PCSK5: variants seen among roughly 807,000 people sequenced by gnomAD.
PCSK5 encodes the protein prohormone convertase 5.
In PCSK5, 129 loss-of-function variants were observed where a neutral mutation model predicts 233.2. That is an observed-to-expected ratio of 0.55 (90% CI 0.48 to 0.64). The LOEUF is 0.64. Ranked by LOEUF, PCSK5 falls within the 30% of genes least tolerant of loss-of-function variation. The probability of loss-of-function intolerance (pLI) is 0.00; values close to 1 mark genes in which losing one functional copy is unlikely to be tolerated. For missense variants in PCSK5, 2,076 were observed against 2,430.1 expected (o/e 0.85, Z 3.06); for synonymous variants, 825 against 879.2 (o/e 0.94, Z 1.09).
intron 16 of PCSK5, among the ~76,000 whole-genome samples, chr9:76,184,007 A>G (rs1441201003): frequency 2.6e-5 from 4 of 152,248 alleles, no homozygotes; most frequent in Admixed American, 1.3e-4. Flanking sequence ...AAGTATTCAC[A>G]GTATACTTGT....
intron 24 of PCSK5, among the ~76,000 whole-genome samples, chr9:76,289,499 A>G (rs1212589234): frequency 3.1e-5 from 4 of 129,028 alleles, no homozygotes; most frequent in African/African-American, 9.4e-5. Context: ...ACACACACAC[A>G]CACACACACA....
chr9:76,213,724 G>A (rs911811645), intron 20 of PCSK5, among the ~76,000 whole-genome samples: 9 of 151,954 alleles, frequency 5.9e-5, no homozygotes, highest in South Asian at 2.1e-4. Context: ...CTGATGTTCC[G>A]TTATCTGTCT....
chr9:75,952,267 A>G lies in PCSK5; in HGVS notation c.297+19784A>G, dbSNP rs529879997. 3.9e-5 allele frequency among the ~76,000 whole-genome samples: 6 copies of G among 152,308 alleles called. No homozygotes were observed. The South Asian group carries it at 1.2e-3, about 32-fold the overall frequency. On this transcript the variant is annotated intron_variant, in intron 2 of 37. Coordinates refer to ENST00000674117, the MANE Select transcript of PCSK5 (RefSeq NM_001372043.1). ...TAAAATTTACATACAGTGAAATTAT[A>G]AGTCTTAAGCATAAGGTCTTTGAGT...
intron 12 of PCSK5, among the ~76,000 whole-genome samples, chr9:76,162,675 G>C (rs951613800): frequency 6.6e-6 from 1 of 152,142 alleles, no homozygotes; most frequent in East Asian, 1.9e-4. Context: ...ACCATGTAAA[G>C]CAAAGAACAA....
At chr9:76,309,488 G>A (rs2131435192) in intron 29 of PCSK5, among the ~76,000 whole-genome samples, 1 of 152,344 alleles carries the variant, frequency 6.6e-6, no homozygotes, top group East Asian at 1.9e-4. Context: ...GAGGCCAGGA[G>A]TTGGAGACCT....
intron 2 of PCSK5, among the ~76,000 whole-genome samples, chr9:75,937,036 T>C (rs1248009210): frequency 6.6e-6 from 1 of 152,160 alleles, no homozygotes. Flanking sequence ...TGATCAGTAA[T>C]AGTTTGAAAG....
intron 24 of PCSK5, among the ~76,000 whole-genome samples, chr9:76,256,885 C>T (rs1827000714): frequency 6.6e-6 from 1 of 152,160 alleles, no homozygotes; most frequent in Non-Finnish European, 1.5e-5. Flanking sequence ...TTAATTCTAT[C>T]CTGTTTTATA....
chr9:76,309,745 T>C (rs115804961), intron 29 of PCSK5, among the ~76,000 whole-genome samples: 3,036 of 151,490 alleles, frequency 0.02, 105 homozygotes, highest in African/African-American at 0.067. Flanking sequence ...ATGTACAATG[T>C]TAATAGTGGA....
At chr9:75,976,433 C>T (rs971583611) in intron 2 of PCSK5, among the ~76,000 whole-genome samples, 3 of 151,546 alleles carry the variant, frequency 2.0e-5, no homozygotes, top group Non-Finnish European at 4.4e-5. Flanking sequence ...TTTTTTTCCC[C>T]AGAGGACAAA....
chr9:76,056,751 CAG>C (rs1564000066), intron 5 of PCSK5, among the ~76,000 whole-genome samples: 1 of 152,064 alleles, frequency 6.6e-6, no homozygotes, highest in East Asian at 1.9e-4. Flanking sequence ...AGGGCTTTGA[CAG>C]TAATGACAGT....
chr9:76,323,738 T>G (rs1829277882), intron 32 of PCSK5, among the ~76,000 whole-genome samples: 1 of 152,190 alleles, frequency 6.6e-6, no homozygotes, highest in Non-Finnish European at 1.5e-5. Context: ...CAGGTAACTT[T>G]TATTAGTGAC....
intron 10 of PCSK5, among the ~76,000 whole-genome samples, chr9:76,143,248 A>G (rs1240348951): frequency 6.6e-6 from 1 of 152,124 alleles, no homozygotes; most frequent in Non-Finnish European, 1.5e-5. Flanking sequence ...AGGTCAGGGG[A>G]AGGGGCAAAA....
At chr9:76,005,266 A>G (rs1827428103) in intron 3 of PCSK5, among the ~76,000 whole-genome samples, 1 of 152,178 alleles carries the variant, frequency 6.6e-6, no homozygotes, top group Non-Finnish European at 1.5e-5. Context: ...AGTTGCTTGA[A>G]CAAATTTTTT....
chr9:76,189,556 T>A lies in PCSK5; in HGVS notation c.2511-75T>A, dbSNP rs1824265631. On this transcript the variant is annotated intron_variant, in intron 19 of 37. Coordinates refer to ENST00000674117, the MANE Select transcript of PCSK5 (RefSeq NM_001372043.1). ...AGAGGGATAATTAAATGTAAGACAT[T>A]ATGAGGTTGCTAGTAAACACACCTT... is the stretch of plus-strand genomic sequence containing the variant. The A allele has an allele frequency of 3.4e-6, 3 of 873,398 alleles. No individual in the cohort carries two copies. In the South Asian group the frequency reaches 4.4e-5, roughly 13 times the overall value. The allele number at this position is 873,398 out of a possible 1,614,324, so 54.1% of individuals were successfully genotyped here.
intron 13 of PCSK5, among the ~76,000 whole-genome samples, chr9:76,174,329 T>G (rs1025058524): frequency 6.6e-6 from 1 of 151,056 alleles, no homozygotes; most frequent in Non-Finnish European, 1.5e-5. Context: ...TTTTTTGAGA[T>G]GGAGTGTTGC....
intron 8 of PCSK5, among the ~76,000 whole-genome samples, chr9:76,097,804 G>T (rs969706038): frequency 3.3e-5 from 5 of 152,230 alleles, no homozygotes; most frequent in African/African-American, 1.2e-4. Flanking sequence ...ACTTTTCGGG[G>T]ATGCCCAACA....
intron 21 of PCSK5, 136 bp from the exon 22 acceptor site, chr9:76,233,324 A>C: frequency 1.3e-6 from 1 of 798,176 alleles, no homozygotes; most frequent in Non-Finnish European, 2.0e-6. Context: ...TAAGATGATC[A>C]CTCCCAGGCA....
At chr9:76,272,253 G>T (rs1747440373) in intron 24 of PCSK5, among the ~76,000 whole-genome samples, 1 of 152,044 alleles carries the variant, frequency 6.6e-6, no homozygotes, top group Admixed American at 6.6e-5. Context: ...TTTTCGCTCT[G>T]TCTACTTCTA....
intron 20 of PCSK5, among the ~76,000 whole-genome samples, chr9:76,207,703 T>C (rs973358648): frequency 6.6e-6 from 1 of 152,148 alleles, no homozygotes; most frequent in African/African-American, 2.4e-5. Flanking sequence ...CTCTACCGAA[T>C]GGGTTGTCAG....
Sources: gnomAD v4.1 joint callset for allele counts (sites outside exome capture counted in the v4.1 genomes callset) on GRCh38, gnomAD v4.1.1 for gene constraint, MANE v1.5 for transcripts, NCBI Gene and HGNC (gene_info 2026-07-23, HGNC 2026-07-21) for gene names.